DPP10: variants seen among roughly 807,000 people sequenced by gnomAD.
The protein encoded by DPP10 is dipeptidyl peptidase like 10.
DPP10 carries 33 observed loss-of-function variants against 120.9 expected under a neutral mutation model. The observed-to-expected ratio is 0.27, with a 90% CI of 0.21 to 0.37. The LOEUF (loss-of-function observed/expected upper bound fraction) is 0.37. DPP10 is among the 10% of genes least tolerant of loss of function. DPP10 has a pLI of 1.00. For synonymous variants in DPP10, 337 were observed against 326.1 expected, an observed-to-expected ratio of 1.03 and a Z score of -0.36; for missense variants, 816 against 942.8, an observed-to-expected ratio of 0.87 and a Z score of 1.76.
At chr2:115,305,911 A>G (rs2061340252) in intron 1 of DPP10, among the ~76,000 whole-genome samples, 1 of 152,050 alleles carries the variant, frequency 6.6e-6, no homozygotes, top group South Asian at 2.1e-4. Flanking sequence ...GATGTCATTC[A>G]TTCATGACAT....
intron 1 of DPP10, among the ~76,000 whole-genome samples, chr2:115,026,672 G>T (rs1703482929): frequency 6.6e-6 from 1 of 152,084 alleles, no homozygotes. Context: ...GTGTAGCTGG[G>T]ATTACAAGCA....
At chr2:115,213,558 T>C (rs979280843) in intron 1 of DPP10, among the ~76,000 whole-genome samples, 1 of 152,148 alleles carries the variant, frequency 6.6e-6, no homozygotes, top group Non-Finnish European at 1.5e-5. Context: ...TATTTATTTG[T>C]TCCTCTGACA....
chr2:115,822,354 A>T (rs1687898974), intron 21 of DPP10, among the ~76,000 whole-genome samples: 1 of 152,000 alleles, frequency 6.6e-6, no homozygotes, highest in Non-Finnish European at 1.5e-5. Context: ...AACATCAGAT[A>T]GTAGTGTCTT....
At chr2:114,640,658 C>A (rs1420544456) in intron 1 of DPP10, among the ~76,000 whole-genome samples, 1 of 151,894 alleles carries the variant, frequency 6.6e-6, no homozygotes, top group Admixed American at 6.5e-5. Context: ...TGTTCCTCGA[C>A]ATCATGGATG....
At chr2:114,921,452 G>A (rs1574489347) in intron 1 of DPP10, among the ~76,000 whole-genome samples, 2 of 152,142 alleles carry the variant, frequency 1.3e-5, no homozygotes, top group South Asian at 2.1e-4. Flanking sequence ...AGGTGAAATC[G>A]TTTTTCAAAT....
intron 1 of DPP10, among the ~76,000 whole-genome samples, chr2:114,503,382 G>T (rs954356606): frequency 6.6e-6 from 1 of 152,122 alleles, no homozygotes; most frequent in Non-Finnish European, 1.5e-5. Context: ...TATAACCAGG[G>T]TATATAGTTT....
At chr2:115,448,366 A>G (rs1336174319) in intron 3 of DPP10, among the ~76,000 whole-genome samples, 3 of 152,194 alleles carry the variant, frequency 2.0e-5, no homozygotes, top group Non-Finnish European at 2.9e-5. Context: ...GATGATAACA[A>G]AAGTCTACCT....
intron 1 of DPP10, among the ~76,000 whole-genome samples, chr2:115,018,979 C>T (rs1017448188): frequency 6.6e-6 from 1 of 151,858 alleles, no homozygotes; most frequent in African/African-American, 2.4e-5. Flanking sequence ...CGGGGAGGAG[C>T]CACAGCTGCT....
At chr2:115,768,175 G>A (rs1681024099) in intron 12 of DPP10, 122 bp from the exon 13 acceptor site, 1 of 751,870 alleles carries the variant, frequency 1.3e-6, no homozygotes, top group Non-Finnish European at 2.0e-6. Context: ...AAAATAATGT[G>A]CCCATTTTCC....
chr2:114,634,922 A>G (rs1695201324), intron 1 of DPP10, among the ~76,000 whole-genome samples: 1 of 151,888 alleles, frequency 6.6e-6, no homozygotes, highest in African/African-American at 2.4e-5. Flanking sequence ...AACAAAAAGC[A>G]AACAAGCCTG....
At chr2:114,909,848 G>A (rs1694233714) in intron 1 of DPP10, among the ~76,000 whole-genome samples, 1 of 151,876 alleles carries the variant, frequency 6.6e-6, no homozygotes, top group Admixed American at 6.6e-5. Flanking sequence ...AGTTTAAAAG[G>A]ATATAAATAT....
At chr2:115,137,233 C>T (rs893451728) in intron 1 of DPP10, among the ~76,000 whole-genome samples, 15 of 152,150 alleles carry the variant, frequency 9.9e-5, no homozygotes, top group African/African-American at 3.4e-4. Context: ...GATAGAATTA[C>T]AACTAATATA....
intron 1 of DPP10, among the ~76,000 whole-genome samples, chr2:115,069,786 CT>C (rs1273598065): frequency 4.6e-4 from 66 of 143,980 alleles, no homozygotes; most frequent in Admixed American, 6.3e-4. Context: ...TCTTTCCTTT[CT>C]TTTTTTTTTT....
chr2:115,701,102 G>A (rs890032671), intron 7 of DPP10, among the ~76,000 whole-genome samples: 3 of 151,892 alleles, frequency 2.0e-5, no homozygotes, highest in Admixed American at 6.6e-5. Context: ...CCTAGAATTC[G>A]TATGAAATTT....
rs76173185 is a variant in DPP10, at chr2:114,735,667, A to G, written c.60+292829A>G. Among the ~76,000 whole-genome samples the G allele has an allele frequency of 5.2e-4, 79 of 152,240 alleles. No individual in the cohort carries two copies. In the East Asian group the frequency reaches 0.012, roughly 24 times the overall value. On this transcript the variant is annotated intron_variant, in intron 1 of 25. Coordinates refer to ENST00000410059, the MANE Select transcript of DPP10 (RefSeq NM_020868.6). Reference sequence around the variant, plus strand: ...GGTGAAATATCTTGGCTCTTTGATAATCTTTCATGATCACTTCCAAGAGGA... The same window carrying G: ...GGTGAAATATCTTGGCTCTTTGATAGTCTTTCATGATCACTTCCAAGAGGA...
At chr2:115,587,881 GAT>G (rs1392716562) in intron 5 of DPP10, among the ~76,000 whole-genome samples, 1 of 152,064 alleles carries the variant, frequency 6.6e-6, no homozygotes, top group East Asian at 1.9e-4. Context: ...TTTTATCAGT[GAT>G]AGAATTTACA....
chr2:115,565,210 G>T (rs1839142), intron 5 of DPP10, among the ~76,000 whole-genome samples: 1 of 151,886 alleles, frequency 6.6e-6, no homozygotes, highest in African/African-American at 2.4e-5. Context: ...TTTTGAAACT[G>T]TTGAATTTGA....
chr2:115,139,269 T>C (rs2050796957), intron 1 of DPP10, among the ~76,000 whole-genome samples: 1 of 152,142 alleles, frequency 6.6e-6, no homozygotes, highest in African/African-American at 2.4e-5. Context: ...AAAGTTTTAA[T>C]CTCCTAAATG....
intron 1 of DPP10, among the ~76,000 whole-genome samples, chr2:114,937,938 T>C (rs536799061): frequency 6.6e-6 from 1 of 152,364 alleles, no homozygotes; most frequent in East Asian, 1.9e-4. Flanking sequence ...AGTCTCTTCA[T>C]GTATATTTCC....
Sources: allele counts gnomAD v4.1 joint callset (sites outside exome capture counted in the v4.1 genomes callset), GRCh38; gene constraint gnomAD v4.1.1; transcripts MANE v1.5; gene names NCBI Gene and HGNC (gene_info 2026-07-23, HGNC 2026-07-21).